Variants in KCNMB4 observed in about 807,000 individuals in gnomAD.
KCNMB4 encodes potassium calcium-activated channel subfamily M regulatory beta subunit 4.
KCNMB4 carries 3 observed loss-of-function variants against 20.7 expected under a neutral mutation model. The ratio of observed to expected loss-of-function variants is 0.14; its 90% CI spans 0.07 to 0.37. The LOEUF (loss-of-function observed/expected upper bound fraction) is 0.37. Among genes scored for constraint, KCNMB4 ranks in the 10% least tolerant of loss-of-function variants. The pLI is 1.00. For synonymous variants in KCNMB4, 110 were observed against 113.4 expected (o/e 0.97, Z 0.19); for missense variants, 168 against 265.9 (o/e 0.63, Z 2.56).
At chr12:70,417,306 C>T (rs927692335) in intron 2 of KCNMB4, among the ~76,000 whole-genome samples, 3 of 152,144 alleles carry the variant, frequency 2.0e-5, no homozygotes, top group African/African-American at 4.8e-5. Flanking sequence ...CTTAACCAGG[C>T]GCTGGCAGCA....
At chr12:70,405,899 A>G (rs1195752317) in intron 2 of KCNMB4, among the ~76,000 whole-genome samples, 1 of 152,196 alleles carries the variant, frequency 6.6e-6, no homozygotes, top group African/African-American at 2.4e-5. Context: ...TCGAAAAGAA[A>G]TAGAAAGAAA....
At chr12:70,403,613 TCTGTGCCCAG>T (rs2136131345) in intron 2 of KCNMB4, among the ~76,000 whole-genome samples, 1 of 152,288 alleles carries the variant, frequency 6.6e-6, no homozygotes, top group South Asian at 2.1e-4. Flanking sequence ...GGCGGGAGCC[TCTGTGCCCAG>T]CTAGAGGAAC....
rs1232134784 is a variant in KCNMB4 at position 70,433,057 on chromosome 12, A to G, written c.*2404A>G. 6.6e-6 allele frequency: 1 copy of G among 152,162 alleles called. No individual in the cohort carries two copies. The highest frequency in any genetic ancestry group is 1.5e-5 in the Non-Finnish European group (1 of 68,040). The allele number at this position is 152,162 out of a possible 1,614,324, so 9.4% of individuals were successfully genotyped here. On this transcript the variant is annotated 3_prime_UTR_variant, in exon 3 of 3. Transcript: ENST00000258111. ...AAAAGGGGAGAAGCACACTGAATTC[A>G]TAAGGTCACATGTAGTCTTAAGGTC... is the stretch of plus-strand genomic sequence containing the variant.
chr12:70,390,739 G>T (rs949412282), intron 1 of KCNMB4, among the ~76,000 whole-genome samples: 9 of 152,238 alleles, frequency 5.9e-5, no homozygotes, highest in Non-Finnish European at 1.0e-4. Flanking sequence ...ATGTGAAGAC[G>T]CTATACTTTC....
intron 1 of KCNMB4, among the ~76,000 whole-genome samples, chr12:70,394,601 GTA>G (rs1431705929): frequency 1.3e-5 from 2 of 152,314 alleles, no homozygotes; most frequent in Non-Finnish European, 2.9e-5. Flanking sequence ...CTGTATGTGT[GTA>G]TGTGTGTGTG....
chr12:70,404,457 C>T lies in KCNMB4; in HGVS notation c.464+4121C>T, dbSNP rs370989813. On this transcript the variant is annotated intron_variant, in intron 2 of 2. Transcript: ENST00000258111. ...TTACTAAATCTCTAAATACTAGCCC[C>T]ATTTAACATATGAATAAATTGCATA... Among the ~76,000 whole-genome samples, 196 of 152,258 alleles carry T rather than the reference C, an allele frequency of 1.3e-3. 2 individuals carry two copies. In the South Asian group the frequency reaches 0.039, roughly 30 times the overall value.
chr12:70,384,305 T>A (rs1287872272), intron 1 of KCNMB4, among the ~76,000 whole-genome samples: 1 of 151,960 alleles, frequency 6.6e-6, no homozygotes, highest in Non-Finnish European at 1.5e-5. Context: ...AGAAGGCTTA[T>A]TTTTGTGAGA....
chr12:70,384,077 CAAAA>C (rs1883843759), intron 1 of KCNMB4, among the ~76,000 whole-genome samples: 1 of 152,036 alleles, frequency 6.6e-6, no homozygotes, highest in African/African-American at 2.4e-5. Flanking sequence ...TCAAAACAAA[CAAAA>C]AACACCAGTC....
chr12:70,424,271 T>G (rs1302918358), intron 2 of KCNMB4, among the ~76,000 whole-genome samples: 1 of 152,170 alleles, frequency 6.6e-6, no homozygotes, highest in African/African-American at 2.4e-5. Context: ...AAGCTTTGTT[T>G]AGCACTTGTT....
At chr12:70,404,147 G>A (rs1868531600) in intron 2 of KCNMB4, among the ~76,000 whole-genome samples, 1 of 152,164 alleles carries the variant, frequency 6.6e-6, no homozygotes. Flanking sequence ...TAATGAGTTT[G>A]TAAGCTAGAA....
chr12:70,385,068 A>G (rs1420285697), intron 1 of KCNMB4, among the ~76,000 whole-genome samples: 1 of 152,136 alleles, frequency 6.6e-6, no homozygotes, highest in South Asian at 2.1e-4. Context: ...TACTTCTGGA[A>G]TAAATACATC....
rs138462981 is a variant in KCNMB4 at position 70,417,072 on chromosome 12, A to G, written c.465-13413A>G. Among the ~76,000 whole-genome samples, 5 of 152,330 alleles carry G rather than the reference A, an allele frequency of 3.3e-5. No homozygotes were observed. In the East Asian group the frequency reaches 9.6e-4, roughly 29 times the overall value. On this transcript the variant is annotated intron_variant, in intron 2 of 2. Transcript: ENST00000258111. ...CTGCCAAAATAATGGTACAATACTG[A>G]TGCTGGAGCTATAGAAAAGAAAATA...
At chr12:70,415,932 C>T (rs1868902796) in intron 2 of KCNMB4, among the ~76,000 whole-genome samples, 1 of 152,212 alleles carries the variant, frequency 6.6e-6, no homozygotes, top group Admixed American at 6.5e-5. Flanking sequence ...GCCCTGGTCC[C>T]TGCTACATCA....
intron 2 of KCNMB4, among the ~76,000 whole-genome samples, chr12:70,421,478 A>T (rs1394067856): frequency 1.3e-5 from 2 of 151,398 alleles, no homozygotes; most frequent in Non-Finnish European, 2.9e-5. Flanking sequence ...AAGAAAAAAA[A>T]AAAAAAAAAA....
chr12:70,382,395 A>T (rs1017427355), intron 1 of KCNMB4, among the ~76,000 whole-genome samples: 43 of 147,702 alleles, frequency 2.9e-4, no homozygotes, highest in African/African-American at 9.5e-4. Context: ...ATCGCGCCAC[A>T]GCACTCCCGC....
At chr12:70,422,602 A>G in intron 2 of KCNMB4, 1 of 814,420 alleles carries the variant, frequency 1.2e-6, no homozygotes, top group Non-Finnish European at 1.7e-6. Context: ...AGGATTTCTA[A>G]TTAATAAAGC....
In KCNMB4 at chr12:70,366,646, G is replaced by C. The variant is rs565254738; in HGVS notation, c.-89G>C. Reference sequence around the variant, plus strand: ...GTCGCGCGGCGGCGGCGGTGGCGGCGGCGGCTCCTCCCGCCCGAGGCAGTC... The same window carrying C: ...GTCGCGCGGCGGCGGCGGTGGCGGCCGCGGCTCCTCCCGCCCGAGGCAGTC... On this transcript the variant is annotated 5_prime_UTR_variant, in exon 1 of 3. Transcript: ENST00000258111. The C allele has an allele frequency of 1.9e-5, 19 of 1,001,194 alleles. No homozygotes were observed. Among genetic ancestry groups the C allele is most frequent in the Non-Finnish European group, 2.4e-5 (19 of 788,090 alleles). 62.0% of individuals were successfully genotyped at this position (1,001,194 alleles called of 1,614,324 possible).
chr12:70,385,225 A>G (rs1868248278), intron 1 of KCNMB4, among the ~76,000 whole-genome samples: 2 of 152,144 alleles, frequency 1.3e-5, no homozygotes, highest in Non-Finnish European at 2.9e-5. Context: ...GCCCTATCCT[A>G]ACTGCTGTGA....
At chr12:70,391,266 A>G (rs12423152) in intron 1 of KCNMB4, among the ~76,000 whole-genome samples, 23,948 of 151,968 alleles carry the variant, frequency 0.16, 2,223 homozygotes, top group East Asian at 0.33. Flanking sequence ...GGCTCAAGTC[A>G]TTTTTCATAT....
Sources: gnomAD v4.1 joint callset for allele counts (sites outside exome capture counted in the v4.1 genomes callset) on GRCh38, gnomAD v4.1.1 for gene constraint, MANE v1.5 for transcripts, NCBI Gene and HGNC (gene_info 2026-07-23, HGNC 2026-07-21) for gene names.